GASK1A: variants seen among roughly 807,000 people sequenced by gnomAD.
GASK1A encodes the protein Golgi-associated kinase 1A.
Under a neutral mutation model 41.2 loss-of-function variants are expected in GASK1A, and 40 were observed. That is an observed-to-expected ratio of 0.97 (90% CI 0.75 to 1.27). GASK1A has a LOEUF of 1.27. GASK1A is among the 50% of genes most tolerant of loss of function. GASK1A has a pLI of 0.00. For missense variants in GASK1A, 678 were observed against 745.1 expected (o/e 0.91, Z 1.05); for synonymous variants, 316 against 307.1 (o/e 1.03, Z -0.30).
chr3:43,046,565 C>A (rs1389602095), intron 2 of GASK1A, among the ~76,000 whole-genome samples: 1 of 152,186 alleles, frequency 6.6e-6, no homozygotes, highest in Non-Finnish European at 1.5e-5. Context: ...GGAAAATTTG[C>A]ATCCTGATGA....
At chr3:42,993,156 C>A (rs2089350706) in intron 1 of GASK1A, among the ~76,000 whole-genome samples, 1 of 152,186 alleles carries the variant, frequency 6.6e-6, no homozygotes, top group African/African-American at 2.4e-5. Flanking sequence ...ATTTAGTTTG[C>A]TTTAACACAT....
chr3:43,027,016 GC>G (rs1485136009), intron 1 of GASK1A, among the ~76,000 whole-genome samples: 1 of 152,212 alleles, frequency 6.6e-6, no homozygotes, highest in Admixed American at 6.5e-5. Flanking sequence ...GGGCAGCCAG[GC>G]AGGGTAAAAA....
At chr3:43,041,214 A>G (rs1559406667) in intron 2 of GASK1A, among the ~76,000 whole-genome samples, 1 of 151,634 alleles carries the variant, frequency 6.6e-6, no homozygotes, top group Non-Finnish European at 1.5e-5. Context: ...TAGCAGCATG[A>G]TTTATAGTCC....
At chr3:43,021,049 G>T (rs756026109) in intron 1 of GASK1A, among the ~76,000 whole-genome samples, 3 of 152,166 alleles carry the variant, frequency 2.0e-5, no homozygotes, top group African/African-American at 4.8e-5. Flanking sequence ...CTTCCCGGTT[G>T]AGAGCTGTTT....
chr3:43,011,210 T>C (rs1221904235), intron 1 of GASK1A, among the ~76,000 whole-genome samples: 1 of 151,938 alleles, frequency 6.6e-6, no homozygotes, highest in Non-Finnish European at 1.5e-5. Flanking sequence ...GGTGAAACCC[T>C]GTCTCTACTA....
intron 2 of GASK1A, among the ~76,000 whole-genome samples, chr3:43,049,079 C>T (rs1393467297): frequency 6.6e-6 from 1 of 152,146 alleles, no homozygotes; most frequent in African/African-American, 2.4e-5. Flanking sequence ...AGCTTGGACC[C>T]CATCCTCACT....
intron 1 of GASK1A, among the ~76,000 whole-genome samples, chr3:42,980,595 C>A (rs1448964170): frequency 1.3e-5 from 2 of 152,072 alleles, no homozygotes; most frequent in South Asian, 2.1e-4. Flanking sequence ...TGTCTAGAGA[C>A]TGCGCTGTAG....
chr3:43,015,634 AAG>A (rs1355292081), intron 1 of GASK1A, among the ~76,000 whole-genome samples: 1 of 149,434 alleles, frequency 6.7e-6, no homozygotes, highest in African/African-American at 2.5e-5. Flanking sequence ...AAGTCACTGA[AAG>A]GGGCTGTGTG....
chr3:42,986,944 C>T (rs1315451443), intron 1 of GASK1A, among the ~76,000 whole-genome samples: 1 of 152,122 alleles, frequency 6.6e-6, no homozygotes, highest in Non-Finnish European at 1.5e-5. Context: ...TTCAGGCATC[C>T]GGATGTATGG....
chr3:42,991,309 C>T (rs1028186758), intron 1 of GASK1A, among the ~76,000 whole-genome samples: 2 of 152,116 alleles, frequency 1.3e-5, no homozygotes, highest in East Asian at 1.9e-4. Flanking sequence ...CCTGGCCAAT[C>T]GGTCTTTTTC....
Position 42,984,636 on chromosome 3 carries a change from G to A in GASK1A, c.3+4991G>A, listed in dbSNP as rs984249709. On this transcript the variant is annotated intron_variant, in intron 1 of 4. Transcript: ENST00000430121. This position sits in a 1 kb window ranked among gnomAD's most constrained non-coding sequence, Gnocchi z 4.2. ...ATGCAGATTCAGTCACTCACCACTT[G>A]TAGAGTCCAATTAACAAGAGCAAGG... Among the ~76,000 whole-genome samples the A allele has an allele frequency of 6.6e-6, 1 of 152,226 alleles. No individual in the cohort carries two copies. Among genetic ancestry groups the A allele is most frequent in the African/African-American group, 2.4e-5 (1 of 41,452 alleles).
At chr3:43,038,407 C>T (rs552541987) in intron 2 of GASK1A, among the ~76,000 whole-genome samples, 10 of 152,236 alleles carry the variant, frequency 6.6e-5, no homozygotes, top group South Asian at 6.2e-4. Context: ...ACTGATATTG[C>T]GCTAACCTTG....
rs147702266 is a variant in GASK1A at position 43,050,241 on chromosome 3, T to G, written c.1291-3280T>G. On this transcript the variant is annotated intron_variant, in intron 2 of 4. Coordinates refer to ENST00000430121, the MANE Select transcript of GASK1A (RefSeq NM_001129908.3). ...ATAAACTCTGTTTTTGTTGTTCTGT[T>G]AATGTCTTCATTTCTCCTTAATTTT... Among the ~76,000 whole-genome samples the G allele has an allele frequency of 6.3e-4, 96 of 152,324 alleles. 2 individuals are homozygous for G. The highest frequency in any genetic ancestry group is 2.1e-3 in the African/African-American group (89 of 41,576).
At position 42,984,837 on chromosome 3, in the gene GASK1A, C is replaced by A. The variant is rs901073140; in HGVS notation, c.3+5192C>A. On this transcript the variant is annotated intron_variant, in intron 1 of 4. Coordinates refer to ENST00000430121, the MANE Select transcript of GASK1A (RefSeq NM_001129908.3). The surrounding 1 kb of genome is among the most constrained non-coding windows in gnomAD (Gnocchi z 4.2). ...AGCAGGTGGGGGTCTCCGTGACTTG[C>A]TTTGGTGCCTTATCTACCAGGGAGT... Among the ~76,000 whole-genome samples, 7 of 152,152 alleles carry A rather than the reference C, an allele frequency of 4.6e-5. No homozygotes were observed. Among genetic ancestry groups the A allele is most frequent in the African/African-American group, 1.7e-4 (7 of 41,432 alleles).
intron 1 of GASK1A, among the ~76,000 whole-genome samples, chr3:43,020,582 G>C (rs955527025): frequency 5.3e-5 from 8 of 152,230 alleles, no homozygotes; most frequent in African/African-American, 1.9e-4. Flanking sequence ...CCACCAAAAG[G>C]TGTGTATTAG....
intron 2 of GASK1A, among the ~76,000 whole-genome samples, chr3:43,038,828 C>T (rs1056072248): frequency 2.6e-5 from 4 of 152,144 alleles, no homozygotes; most frequent in African/African-American, 9.7e-5. Flanking sequence ...TCCCCAACCC[C>T]TGCCCACGAG....
intron 2 of GASK1A, among the ~76,000 whole-genome samples, chr3:43,050,711 T>C (rs562078610): frequency 2.6e-4 from 39 of 152,318 alleles, no homozygotes; most frequent in South Asian, 1.7e-3. Context: ...TTCATTTTTT[T>C]CTTCTTATTC....
intron 2 of GASK1A, among the ~76,000 whole-genome samples, chr3:43,034,719 A>G (rs2089596573): frequency 6.6e-6 from 1 of 152,198 alleles, no homozygotes; most frequent in African/African-American, 2.4e-5. Context: ...GATAATATGT[A>G]ATACTTCAGA....
rs1300831271 is a variant in GASK1A at position 43,033,466 on chromosome 3, C to G, written c.1203C>G (p.His401Gln). Residue 401 changes from histidine (H) to glutamine (Q), a missense_variant, in exon 2 of 5, where the codon CAC (histidine) becomes CAG (glutamine). By Grantham distance (24) the His-to-Gln change is conservative. Transcript: ENST00000430121. Reference sequence around the variant, plus strand: ...TGCAGTATCAGGCCCTGCTGGCACACAGCTGCAACTGGCCAGGCCAGGCCC... The same window carrying G: ...TGCAGTATCAGGCCCTGCTGGCACAGAGCTGCAACTGGCCAGGCCAGGCCC... ...GWLQYQALLA[H>Q]SCNWPGQAPC... The G allele has an allele frequency of 6.4e-7, 1 of 1,551,048 alleles. No homozygotes were observed.
Sources: allele counts gnomAD v4.1 joint callset (sites outside exome capture counted in the v4.1 genomes callset), GRCh38; gene constraint gnomAD v4.1.1; non-coding constraint Gnocchi (gnomAD v3.1); transcripts MANE v1.5; gene names NCBI Gene and HGNC (gene_info 2026-07-23, HGNC 2026-07-21).